TNKS: variants seen among roughly 807,000 people sequenced by gnomAD.
The protein encoded by TNKS is tankyrase, also known as poly [ADP-ribose] polymerase tankyrase-1.
In TNKS, 72 loss-of-function variants were observed where a neutral mutation model predicts 135.8. The ratio of observed to expected loss-of-function variants is 0.53; its 90% CI spans 0.44 to 0.64. TNKS has a LOEUF of 0.64. Ranked by LOEUF, TNKS falls within the 30% of genes least tolerant of loss-of-function variation. TNKS has a pLI of 0.00. For synonymous variants in TNKS, 849 were observed against 649.3 expected (o/e 1.31, Z -4.68); for missense variants, 1,769 against 1,674.0 (o/e 1.06, Z -0.99).
intron 2 of TNKS, among the ~76,000 whole-genome samples, chr8:9,610,361 G>A (rs1486358864): frequency 6.6e-6 from 1 of 150,966 alleles, no homozygotes; most frequent in Non-Finnish European, 1.5e-5. Flanking sequence ...ATGATATAAT[G>A]TATACTGTAT....
At chr8:9,677,839 A>T (rs535992632) in intron 3 of TNKS, among the ~76,000 whole-genome samples, 2 of 152,216 alleles carry the variant, frequency 1.3e-5, no homozygotes, top group African/African-American at 4.8e-5. Flanking sequence ...TGCTTCAGAT[A>T]CACAGAGCTA....
intron 23 of TNKS, 124 bp downstream of exon 23, chr8:9,764,914 C>T (rs1807343160): frequency 1.5e-6 from 1 of 654,162 alleles, no homozygotes. Flanking sequence ...CGTCACCTGT[C>T]TGAAGTCAGA....
At chr8:9,625,562 G>T (rs921035572) in intron 3 of TNKS, among the ~76,000 whole-genome samples, 2 of 151,628 alleles carry the variant, frequency 1.3e-5, no homozygotes, top group African/African-American at 4.8e-5. Context: ...GCTGTGATTC[G>T]CACATTTTGA....
rs909556232 is a variant in TNKS, at chr8:9,706,124, G to T, written c.1203-63G>T. 45 of 1,168,778 alleles carry T rather than the reference G, an allele frequency of 3.9e-5. 1 individual carries two copies. In the South Asian group the frequency reaches 4.4e-4, roughly 11 times the overall value. 72.4% of individuals were successfully genotyped at this position (1,168,778 alleles called of 1,614,324 possible). A position where few individuals can be genotyped will look rare whatever the true frequency, so the allele number is the denominator to read the frequency against. On this transcript the variant is annotated intron_variant, in intron 6 of 26. Coordinates refer to ENST00000310430, the MANE Select transcript of TNKS (RefSeq NM_003747.3). Reference sequence around the variant, plus strand: ...GGGATTTATTGGATTTTATTTCTTAGTACGACATGGATAAATAAGTTGTTT... The same window carrying T: ...GGGATTTATTGGATTTTATTTCTTATTACGACATGGATAAATAAGTTGTTT...
chr8:9,675,035 A>C (rs911212320), intron 3 of TNKS, among the ~76,000 whole-genome samples: 1 of 152,180 alleles, frequency 6.6e-6, no homozygotes, highest in Non-Finnish European at 1.5e-5. Flanking sequence ...TCCTGGAGCA[A>C]AATAATACAG....
chr8:9,695,995 G>A (rs1372968217), intron 5 of TNKS, among the ~76,000 whole-genome samples: 1 of 152,200 alleles, frequency 6.6e-6, no homozygotes, highest in Non-Finnish European at 1.5e-5. Flanking sequence ...ATATCATGTA[G>A]TGATGTCACA....
intron 1 of TNKS, among the ~76,000 whole-genome samples, chr8:9,560,955 T>C (rs1797304454): frequency 1.3e-5 from 2 of 152,162 alleles, no homozygotes; most frequent in Non-Finnish European, 2.9e-5. Context: ...GCAAATGATT[T>C]AAAGAACAAA....
chr8:9,733,584 C>T (rs1328270598), intron 15 of TNKS, 140 bp downstream of exon 15: 1 of 697,932 alleles, frequency 1.4e-6, no homozygotes, highest in Non-Finnish European at 2.3e-6. Flanking sequence ...TCCCAGAAGA[C>T]CGTTTATGTG....
intron 3 of TNKS, among the ~76,000 whole-genome samples, chr8:9,672,217 G>T (rs1802302742): frequency 2.0e-5 from 3 of 152,228 alleles, no homozygotes; most frequent in Admixed American, 6.5e-5. Context: ...AAATTTATAA[G>T]GGGTATGTAT....
At position 9,660,956 on chromosome 8, in the gene TNKS, C is replaced by G. The variant is rs1248643069; in HGVS notation, c.995-18995C>G. The stretch of plus-strand genomic sequence containing the variant: ...TATACACCAATAGCAGACAGAGAGC[C>G]AAATCATGAGTGAACTCCCATTCAC... On this transcript the variant is annotated intron_variant, in intron 3 of 26. Transcript: ENST00000310430. 4.2e-5 allele frequency among the ~76,000 whole-genome samples: 6 copies of G among 144,338 alleles called. 2 individuals are homozygous for G. In the South Asian group the frequency reaches 6.6e-4, roughly 16 times the overall value. The allele number at this position is 144,338 out of a possible 152,430, so 94.7% of individuals were successfully genotyped here. A position where few individuals can be genotyped will look rare whatever the true frequency, so the allele number is the denominator to read the frequency against.
chr8:9,697,539 A>G (rs1168015286), intron 5 of TNKS, among the ~76,000 whole-genome samples: 1 of 152,170 alleles, frequency 6.6e-6, no homozygotes, highest in Non-Finnish European at 1.5e-5. Context: ...ATACTCATAA[A>G]CTATGCATCT....
At chr8:9,717,101 A>ATATATT (rs1454492300) in intron 11 of TNKS, among the ~76,000 whole-genome samples, 17 of 119,316 alleles carry the variant, frequency 1.4e-4, no homozygotes, top group Admixed American at 6.0e-4. Context: ...ATATATATAT[A>ATATATT]TTTTCAGGGA....
intron 2 of TNKS, among the ~76,000 whole-genome samples, chr8:9,599,791 TAAAA>T: frequency 6.7e-6 from 1 of 148,746 alleles, no homozygotes; most frequent in South Asian, 2.1e-4. Context: ...TGTGCCTTTT[TAAAA>T]AAAAAAAGTC....
intron 21 of TNKS, among the ~76,000 whole-genome samples, 172 bp from the exon 22 acceptor site, chr8:9,762,975 G>T (rs1283911244): frequency 6.7e-6 from 1 of 149,302 alleles, no homozygotes; most frequent in African/African-American, 2.5e-5. Context: ...GTCTGTCTTT[G>T]AGTATATTTG....
At chr8:9,711,459 T>C (rs576470279) in intron 11 of TNKS, among the ~76,000 whole-genome samples, 2 of 152,312 alleles carry the variant, frequency 1.3e-5, no homozygotes, top group South Asian at 2.1e-4. Context: ...GGTAGAACTT[T>C]TATAAATATC....
intron 1 of TNKS, among the ~76,000 whole-genome samples, chr8:9,566,694 C>T (rs1034998674): frequency 6.7e-6 from 1 of 149,962 alleles, no homozygotes; most frequent in African/African-American, 2.5e-5. Context: ...CTGCAAGCTC[C>T]GCCTCCCGGG....
intron 3 of TNKS, among the ~76,000 whole-genome samples, chr8:9,651,525 G>A (rs1801147149): frequency 6.6e-6 from 1 of 152,160 alleles, no homozygotes; most frequent in Admixed American, 6.5e-5. Flanking sequence ...TTCTTGTAGG[G>A]TCTAGACTTG....
At chr8:9,608,131 A>G (rs763133537) in intron 2 of TNKS, among the ~76,000 whole-genome samples, 1 of 152,028 alleles carries the variant, frequency 6.6e-6, no homozygotes, top group Admixed American at 6.6e-5. Flanking sequence ...TGAAAAGTCC[A>G]GGTCTCCCTA....
At chr8:9,661,088 A>G (rs1801687492) in intron 3 of TNKS, among the ~76,000 whole-genome samples, 2 of 152,048 alleles carry the variant, frequency 1.3e-5, no homozygotes, top group Non-Finnish European at 2.9e-5. Context: ...AAAAGAGGAT[A>G]CAAACAAATG....
Sources: gnomAD v4.1 joint callset for allele counts (sites outside exome capture counted in the v4.1 genomes callset) on GRCh38, gnomAD v4.1.1 for gene constraint, MANE v1.5 for transcripts, NCBI Gene and HGNC (gene_info 2026-07-23, HGNC 2026-07-21) for gene names.